ROBO1: variants seen among roughly 807,000 people sequenced by gnomAD.
ROBO1 encodes the protein roundabout guidance receptor 1, also known as roundabout homolog 1.
A neutral mutation model predicts 195.9 loss-of-function variants in ROBO1; 149 were observed. The observed-to-expected ratio is 0.76, with a 90% CI of 0.67 to 0.87. The LOEUF is 0.87. Among genes scored for constraint, ROBO1 ranks in the 40% least tolerant of loss-of-function variants. ROBO1 has a pLI of 0.00. For synonymous variants in ROBO1, 816 were observed against 733.2 expected (o/e 1.11, Z -1.82); for missense variants, 1,933 against 2,068.3 (o/e 0.93, Z 1.27).
chr3:79,377,129 T>C lies in ROBO1; in HGVS notation c.88+212695A>G, dbSNP rs191285170. On this transcript the variant is annotated intron_variant, in intron 2 of 30. Transcript: ENST00000464233. ...TAACACCTACTTATTGTATTTGTGG[T>C]CTTTAAAAAAATACATTATTTTCAT... Among the ~76,000 whole-genome samples, 370 of 152,268 alleles carry C rather than the reference T, an allele frequency of 2.4e-3. 2 individuals are homozygous for C. Among genetic ancestry groups the C allele is most frequent in the African/African-American group, 7.6e-3 (315 of 41,548 alleles).
intron 1 of ROBO1, among the ~76,000 whole-genome samples, chr3:79,699,025 T>A (rs1041534235): frequency 4.0e-5 from 6 of 150,896 alleles, no homozygotes; most frequent in African/African-American, 1.5e-4. Flanking sequence ...CACTGTGTAG[T>A]TTTTTTCAAA....
intron 2 of ROBO1, among the ~76,000 whole-genome samples, chr3:79,569,931 T>C (rs2107742765): frequency 6.6e-6 from 1 of 152,014 alleles, no homozygotes; most frequent in South Asian, 2.1e-4. Context: ...AGACCCCATC[T>C]CTACTAAAAA....
At chr3:78,922,275 C>CTATCAGCACATCTCAGTCAA (rs2038977785) in intron 4 of ROBO1, among the ~76,000 whole-genome samples, 1 of 151,992 alleles carries the variant, frequency 6.6e-6, no homozygotes, top group South Asian at 2.2e-4. Context: ...CAAAAATGTT[C>CTATCAGCACATCTCAGTCAA]AGGAAAATCA....
chr3:78,692,464 G>C (rs1275858436), intron 8 of ROBO1, among the ~76,000 whole-genome samples: 1 of 151,820 alleles, frequency 6.6e-6, no homozygotes, highest in African/African-American at 2.4e-5. Flanking sequence ...AGAGATGGGG[G>C]TTTGCCATGT....
chr3:78,878,311 C>A (rs115935557), intron 4 of ROBO1, among the ~76,000 whole-genome samples: 2 of 152,112 alleles, frequency 1.3e-5, no homozygotes, highest in South Asian at 4.1e-4. Context: ...TGCAGCCAGG[C>A]GCAGTGGCTC....
Position 79,067,237 on chromosome 3 carries a change from C to T in ROBO1, c.172+58219G>A, listed in dbSNP as rs139439579. ...CTTATGTAAAAAAAGTTGATTATTT[C>T]GTTGCAAGTAAGTCCTTAATGAGGG... On this transcript the variant is annotated intron_variant, in intron 3 of 30. Coordinates refer to ENST00000464233, the MANE Select transcript of ROBO1 (RefSeq NM_002941.4). Among the ~76,000 whole-genome samples, 32 of 151,976 alleles carry T rather than the reference C, an allele frequency of 2.1e-4. No homozygotes were observed. The East Asian group carries it at 3.9e-3, about 19-fold the overall frequency.
At chr3:79,092,326 G>A (rs929818235) in intron 3 of ROBO1, among the ~76,000 whole-genome samples, 1 of 152,030 alleles carries the variant, frequency 6.6e-6, no homozygotes, top group Non-Finnish European at 1.5e-5. Flanking sequence ...AGAAACAGAA[G>A]TTCAGAAAGT....
intron 2 of ROBO1, among the ~76,000 whole-genome samples, chr3:79,352,616 G>T (rs190448610): frequency 6.6e-6 from 1 of 152,070 alleles, no homozygotes; most frequent in South Asian, 2.1e-4. Flanking sequence ...CTGTCACTAC[G>T]AAGGAACTCC....
At chr3:78,809,343 G>A (rs2084653536) in intron 4 of ROBO1, among the ~76,000 whole-genome samples, 2 of 152,204 alleles carry the variant, frequency 1.3e-5, no homozygotes, top group Non-Finnish European at 2.9e-5. Flanking sequence ...GGAAACAACA[G>A]ATGCTGGAGA....
In ROBO1 at chr3:78,639,865, C is replaced by G. The variant is rs376608893; in HGVS notation, c.2916G>C (p.Ala972=). Reference sequence around the variant, plus strand: ...GCCACGTGTCTGCCAGCCATGGCTGCGCGGCAGGTTCACTGATGTTGAGAA... The same window carrying G: ...GCCACGTGTCTGCCAGCCATGGCTGGGCGGCAGGTTCACTGATGTTGAGAA... ...PGLLNISEPA[A]QPWLADTWPN... Residue 972 remains alanine, a synonymous_variant, in exon 22 of 31, where the codon GCG becomes GCC. Coordinates refer to ENST00000464233, the MANE Select transcript of ROBO1 (RefSeq NM_002941.4). 6.2e-7 allele frequency: 1 copy of G among 1,607,612 alleles called. No homozygotes were observed. Among genetic ancestry groups the G allele is most frequent in the Non-Finnish European group, 8.5e-7 (1 of 1,176,248 alleles).
At chr3:79,235,617 A>G (rs1167444680) in intron 2 of ROBO1, among the ~76,000 whole-genome samples, 1 of 152,116 alleles carries the variant, frequency 6.6e-6, no homozygotes, top group East Asian at 1.9e-4. Flanking sequence ...AGCTTCCTGG[A>G]GGATCATCTG....
At chr3:79,079,875 A>G (rs1450344009) in intron 3 of ROBO1, among the ~76,000 whole-genome samples, 3 of 151,862 alleles carry the variant, frequency 2.0e-5, no homozygotes, top group African/African-American at 7.2e-5. Flanking sequence ...TGCTTAAAGA[A>G]TGGTCAGAAC....
chr3:78,850,405 A>G (rs2033978784), intron 4 of ROBO1, among the ~76,000 whole-genome samples: 1 of 152,228 alleles, frequency 6.6e-6, no homozygotes. Flanking sequence ...AAAACCAGAT[A>G]ACAAGTTTAA....
intron 2 of ROBO1, among the ~76,000 whole-genome samples, chr3:79,448,130 A>G (rs978126636): frequency 1.3e-5 from 2 of 152,208 alleles, no homozygotes; most frequent in Admixed American, 6.5e-5. Context: ...TCTTAAAGAT[A>G]ACTATATTGT....
intron 2 of ROBO1, among the ~76,000 whole-genome samples, chr3:79,519,539 G>A (rs980879858): frequency 1.4e-5 from 2 of 145,914 alleles, no homozygotes; most frequent in African/African-American, 5.1e-5. Context: ...TGAGGCAGGA[G>A]AATGGCGTGA....
chr3:78,677,797 T>C (rs1234141574), intron 10 of ROBO1, among the ~76,000 whole-genome samples: 2 of 152,120 alleles, frequency 1.3e-5, no homozygotes, highest in South Asian at 2.1e-4. Context: ...TACCCAGGAA[T>C]TGAACTCAGC....
chr3:79,565,330 G>C (rs1943056028), intron 2 of ROBO1, among the ~76,000 whole-genome samples: 1 of 151,628 alleles, frequency 6.6e-6, no homozygotes, highest in South Asian at 2.1e-4. Flanking sequence ...TTGATTCTCG[G>C]TGTCTTTAAC....
intron 1 of ROBO1, among the ~76,000 whole-genome samples, chr3:79,743,331 C>G (rs989858478): frequency 1.3e-5 from 2 of 152,166 alleles, no homozygotes. Context: ...ATAAACATAT[C>G]TAAACATAGA....
intron 10 of ROBO1, among the ~76,000 whole-genome samples, chr3:78,677,011 G>A (rs1248844570): frequency 1.3e-5 from 2 of 151,984 alleles, no homozygotes; most frequent in Admixed American, 6.6e-5. Flanking sequence ...AGAGAGTGGG[G>A]GCCAATATTC....
Sources: gnomAD v4.1 joint callset for allele counts (sites outside exome capture counted in the v4.1 genomes callset) on GRCh38, gnomAD v4.1.1 for gene constraint, MANE v1.5 for transcripts, NCBI Gene and HGNC (gene_info 2026-07-23, HGNC 2026-07-21) for gene names.